Variants in IL6ST observed in about 807,000 individuals in gnomAD.
IL6ST encodes the protein interleukin 6 cytokine family signal transducer.
A neutral mutation model predicts 91.3 loss-of-function variants in IL6ST; 24 were observed. The observed-to-expected ratio is 0.26, with a 90% CI of 0.19 to 0.37. The LOEUF (loss-of-function observed/expected upper bound fraction) is 0.37. Ranked by LOEUF, IL6ST falls within the 10% of genes least tolerant of loss-of-function variation. The probability of loss-of-function intolerance (pLI) is 1.00; values close to 1 mark genes in which losing one functional copy is unlikely to be tolerated. For missense variants in IL6ST, 914 were observed against 1,078.5 expected (o/e 0.85, Z 2.14); for synonymous variants, 351 against 373.6 (o/e 0.94, Z 0.70).
At chr5:55,955,703 T>C (rs764424568) in intron 10 of IL6ST, among the ~76,000 whole-genome samples, 19 of 152,324 alleles carry the variant, frequency 1.2e-4, no homozygotes, top group East Asian at 5.8e-4. Flanking sequence ...CTGATGAAAT[T>C]TGTCTGCTGA....
rs1307586965 is a variant in IL6ST, at chr5:55,949,117, T to C, written c.1841-1528A>G. On this transcript the variant is annotated intron_variant, in intron 14 of 16. Coordinates refer to ENST00000381298, the MANE Select transcript of IL6ST (RefSeq NM_002184.4). ...TTATTTTGGGGTAAGGGACTAGGAC[T>C]AATTTTTCTTCCTCTCTACATTTTA... 3 of 152,332 alleles carry C rather than the reference T, an allele frequency of 2.0e-5. No individual in the cohort carries two copies. In the East Asian group the frequency reaches 5.8e-4, roughly 29 times the overall value. The allele number at this position is 152,332 out of a possible 1,614,324, so 9.4% of individuals were successfully genotyped here. A position where few individuals can be genotyped will look rare whatever the true frequency, so the allele number is the denominator to read the frequency against.
At chr5:55,991,899 T>C (rs1754356000) in intron 1 of IL6ST, among the ~76,000 whole-genome samples, 1 of 152,186 alleles carries the variant, frequency 6.6e-6, no homozygotes, top group Admixed American at 6.5e-5. Flanking sequence ...AAGCAAATAC[T>C]TAAGCTCCTC....
Position 55,960,441 on chromosome 5 carries a change from C to CA in IL6ST, c.933dup (p.Asp312Ter). On this transcript the variant is annotated frameshift_variant, in exon 8 of 17. Transcript: ENST00000381298. LOFTEE classifies it high-confidence loss of function. ...ATCCCACTTGCTTCTTCACTCCAGT[C>CA]ACTCCAGTATCCCTTACCATCTTCC... The CA allele has an allele frequency of 6.2e-7, 1 of 1,613,924 alleles. No homozygotes were observed. Among genetic ancestry groups the CA allele is most frequent in the Non-Finnish European group, 8.5e-7 (1 of 1,179,838 alleles).
intron 6 of IL6ST, 93 bp from the exon 7 acceptor site, chr5:55,963,599 A>C: frequency 1.1e-6 from 1 of 918,316 alleles, no homozygotes; most frequent in Non-Finnish European, 1.7e-6. Context: ...CCTTTATTTT[A>C]CAATAATTTA....
chr5:55,949,882 A>G (rs1320659355), intron 14 of IL6ST, among the ~76,000 whole-genome samples: 1 of 152,206 alleles, frequency 6.6e-6, no homozygotes, highest in East Asian at 1.9e-4. Context: ...TGGTAAAATA[A>G]GGTAATTTTC....
rs2111746036 is a variant in IL6ST, at chr5:55,960,521, G to A, written c.854C>T (p.Thr285Ile). The A allele has an allele frequency of 6.2e-7, 1 of 1,613,816 alleles. No individual in the cohort carries two copies. The highest frequency in any genetic ancestry group is 8.5e-7 in the Non-Finnish European group (1 of 1,179,848). ...EDTASTRSSFTVQDLKPFTEY... is the reference protein window; with the variant it reads ...EDTASTRSSFIVQDLKPFTEY... Reference sequence around the variant, plus strand: ...TGTAAAAGGTTTAAGGTCTTGGACAGTGAATGAAGATCGGGTGGATGCTGT... The same window carrying A: ...TGTAAAAGGTTTAAGGTCTTGGACAATGAATGAAGATCGGGTGGATGCTGT... The change falls in exon 8 of 17, where the codon ACT becomes ATT. Residue 285 changes from threonine (T) to isoleucine (I), a missense_variant. Transcript: ENST00000381298.
At chr5:55,951,830 A>G (rs1488514498) in intron 13 of IL6ST, 99 bp downstream of exon 13, 3 of 814,666 alleles carry the variant, frequency 3.7e-6, no homozygotes, top group Non-Finnish European at 5.7e-6. Flanking sequence ...TCCTGAGGCC[A>G]ATATACTATA....
intron 16 of IL6ST, 28 bp from the exon 17 acceptor site, chr5:55,941,847 CA>C (rs746664256): frequency 4.6e-5 from 72 of 1,575,960 alleles, no homozygotes; most frequent in Admixed American, 4.2e-4. Flanking sequence ...TTGTATATGG[CA>C]AGTATTAGTT....
At chr5:55,980,229 A>G (rs989422627) in intron 2 of IL6ST, among the ~76,000 whole-genome samples, 1 of 152,202 alleles carries the variant, frequency 6.6e-6, no homozygotes, top group East Asian at 1.9e-4. Flanking sequence ...TTTAGTACTT[A>G]TGCAAAAAAT....
At chr5:55,949,689 C>T (rs528261588) in intron 14 of IL6ST, among the ~76,000 whole-genome samples, 51 of 152,172 alleles carry the variant, frequency 3.4e-4, no homozygotes, top group African/African-American at 1.2e-3. Context: ...TGGGACCAAC[C>T]TTATCCCAGA....
At chr5:55,976,678 A>G (rs996112605) in intron 2 of IL6ST, among the ~76,000 whole-genome samples, 1 of 152,258 alleles carries the variant, frequency 6.6e-6, no homozygotes, top group Non-Finnish European at 1.5e-5. Context: ...TGTAATTCAT[A>G]GCATGGCCAA....
chr5:55,989,293 T>C (rs1034807399), intron 1 of IL6ST, among the ~76,000 whole-genome samples: 2 of 151,978 alleles, frequency 1.3e-5, no homozygotes, highest in African/African-American at 2.4e-5. Flanking sequence ...TTTTAAAAGG[T>C]TGCTCATTTG....
Position 55,969,827 on chromosome 5 carries a change from G to T in IL6ST, c.93C>A (p.Ile31=). Residue 31 remains isoleucine, a synonymous_variant, in exon 4 of 17, where the codon ATC becomes ATA. Transcript: ENST00000381298. ...GTTGTACAACTGGAGATTCAGGACT[G>T]ATATAACCACATGGATCTAGAAGTT... ...TGELLDPCGY[I]SPESPVVQLH... 1 of 1,604,434 alleles carries T rather than the reference G, an allele frequency of 6.2e-7. No individual in the cohort carries two copies. The highest frequency in any genetic ancestry group is 8.5e-7 in the Non-Finnish European group (1 of 1,172,208).
chr5:55,980,882 G>C (rs1753620494), intron 2 of IL6ST, among the ~76,000 whole-genome samples: 1 of 152,088 alleles, frequency 6.6e-6, no homozygotes, highest in East Asian at 1.9e-4. Flanking sequence ...TTGCCAGCAT[G>C]CCCAGCTAAT....
rs3730295 is a variant in IL6ST, at chr5:55,951,697, C to T, written c.1700-93G>A. On this transcript the variant is annotated intron_variant, in intron 13 of 16. Coordinates refer to ENST00000381298, the MANE Select transcript of IL6ST (RefSeq NM_002184.4). ...CATTGTGAAAGTGTTAAAAAAGAAG[C>T]GAAGTATTTTTGTTGGAAAACAACT... is the stretch of plus-strand genomic sequence containing the variant. 8.3e-5 allele frequency: 105 copies of T among 1,269,022 alleles called. No individual in the cohort carries two copies. The African/African-American group carries it at 1.3e-3, about 16-fold the overall frequency. The allele number at this position is 1,269,022 out of a possible 1,614,324, so 78.6% of individuals were successfully genotyped here.
intron 1 of IL6ST, among the ~76,000 whole-genome samples, chr5:55,994,486 AG>A (rs1382929709): frequency 6.6e-6 from 1 of 152,116 alleles, no homozygotes; most frequent in South Asian, 2.1e-4. Context: ...GGTAACAAAA[AG>A]GGGGGTTTGT....
chr5:55,952,761 T>A (rs1046660119), intron 11 of IL6ST, among the ~76,000 whole-genome samples: 6 of 151,982 alleles, frequency 3.9e-5, no homozygotes, highest in Non-Finnish European at 7.4e-5. Context: ...GAAAAAAGGG[T>A]ATCTTAAAAA....
chr5:55,941,457 T>G lies in IL6ST; in HGVS notation c.2382A>C (p.Glu794Asp), dbSNP rs777292351. Reference protein sequence around the residue: ...QPLLDSEERPEDLQLVDHVDG... With the variant: ...QPLLDSEERPDDLQLVDHVDG... ...CTACATGATCTACTAATTGTAGATC[T>G]TCTGGCCGCTCCTCTGAATCTAACA... is the stretch of plus-strand genomic sequence containing the variant. Residue 794 changes from glutamate (E) to aspartate (D), a missense_variant, in exon 17 of 17, where the codon GAA becomes GAC. By Grantham distance (45) the Glu-to-Asp change is conservative (BLOSUM62 2). Transcript: ENST00000381298. 6 of 1,614,210 alleles carry G rather than the reference T, an allele frequency of 3.7e-6. No individual in the cohort carries two copies. In the South Asian group the frequency reaches 5.5e-5, roughly 15 times the overall value.
intron 7 of IL6ST, among the ~76,000 whole-genome samples, 163 bp from the exon 8 acceptor site, chr5:55,960,724 G>A (rs1752261524): frequency 6.6e-6 from 1 of 151,968 alleles, no homozygotes; most frequent in Admixed American, 6.6e-5. Context: ...ACCTCTCCCA[G>A]GTTCAAGCGA....
Sources: allele counts gnomAD v4.1 joint callset (sites outside exome capture counted in the v4.1 genomes callset), GRCh38; gene constraint gnomAD v4.1.1; transcripts MANE v1.5; gene names NCBI Gene and HGNC (gene_info 2026-07-23, HGNC 2026-07-21).